Variants in CCDC178 observed in about 807,000 individuals in gnomAD.
CCDC178 encodes the protein coiled-coil domain containing 178, also known as coiled-coil domain-containing protein 178.
A neutral mutation model predicts 117.4 loss-of-function variants in CCDC178; 126 were observed. That is an observed-to-expected ratio of 1.07 (90% confidence interval 0.93 to 1.24). The LOEUF (loss-of-function observed/expected upper bound fraction) is 1.24. CCDC178 is among the 50% of genes most tolerant of loss of function. The probability of loss-of-function intolerance (pLI) is 0.00; values close to 1 mark genes in which losing one functional copy is unlikely to be tolerated. For missense variants in CCDC178, 1,030 were observed against 986.9 expected (o/e 1.04, Z -0.59); for synonymous variants, 283 against 313.4 (o/e 0.90, Z 1.02).
chr18:33,296,259 T>C (rs1409351739), intron 11 of CCDC178, among the ~76,000 whole-genome samples: 1 of 151,922 alleles, frequency 6.6e-6, no homozygotes, highest in Non-Finnish European at 1.5e-5. Flanking sequence ...AAAATAATAG[T>C]GGTTGTCAGG....
chr18:33,078,184 A>AT (rs2057240712), intron 21 of CCDC178, among the ~76,000 whole-genome samples: 1 of 152,178 alleles, frequency 6.6e-6, no homozygotes, highest in Non-Finnish European at 1.5e-5. Context: ...CAAACACCAC[A>AT]TGATTATCTC....
chr18:33,031,104 C>T (rs1294648050), intron 21 of CCDC178, among the ~76,000 whole-genome samples: 24 of 152,106 alleles, frequency 1.6e-4, no homozygotes, highest in Non-Finnish European at 5.9e-5. Flanking sequence ...ACTATCACAT[C>T]ATCCATTTGT....
At chr18:33,174,158 A>G (rs2058636431) in intron 20 of CCDC178, among the ~76,000 whole-genome samples, 1 of 151,768 alleles carries the variant, frequency 6.6e-6, no homozygotes, top group East Asian at 1.9e-4. Flanking sequence ...CACGGTGAGA[A>G]TGGAGCAACA....
intron 5 of CCDC178, among the ~76,000 whole-genome samples, chr18:33,373,834 A>G (rs1206983583): frequency 6.6e-6 from 1 of 152,148 alleles, no homozygotes; most frequent in Non-Finnish European, 1.5e-5. Context: ...TCTCCATGAA[A>G]AATTCATTCT....
intron 21 of CCDC178, among the ~76,000 whole-genome samples, chr18:33,079,889 C>G (rs1598860073): frequency 1.3e-5 from 2 of 152,236 alleles, no homozygotes; most frequent in Middle Eastern, 6.8e-3. Context: ...GAGGTAAAAA[C>G]AGAGCTAACA....
chr18:33,149,486 A>G (rs1363921425), intron 20 of CCDC178, among the ~76,000 whole-genome samples: 2 of 152,174 alleles, frequency 1.3e-5, no homozygotes. Context: ...CACAGTAGGA[A>G]AGCTAGTTCT....
rs561287956 is a variant in CCDC178 at position 33,331,183 on chromosome 18, C to G, written c.879+1991G>C. On this transcript the variant is annotated intron_variant, in intron 10 of 22. Coordinates refer to ENST00000383096, the MANE Select transcript of CCDC178 (RefSeq NM_001105528.4). Reference sequence around the variant, plus strand: ...AAAAACACAGTAAAACAAAGGGATACCAATTAAAACACATATAGACAAAAT... The same window carrying G: ...AAAAACACAGTAAAACAAAGGGATAGCAATTAAAACACATATAGACAAAAT... 7.1e-4 allele frequency among the ~76,000 whole-genome samples: 108 copies of G among 151,062 alleles called. 1 individual carries two copies. The highest frequency in any genetic ancestry group is 2.5e-3 in the African/African-American group (104 of 41,114).
intron 21 of CCDC178, among the ~76,000 whole-genome samples, chr18:33,075,149 G>A (rs2145011233): frequency 6.6e-6 from 1 of 152,296 alleles, no homozygotes; most frequent in Non-Finnish European, 1.5e-5. Flanking sequence ...TTTGATGACA[G>A]ATGAGTTCTC....
At chr18:32,978,058 G>A (rs2055064332) in intron 21 of CCDC178, among the ~76,000 whole-genome samples, 1 of 152,114 alleles carries the variant, frequency 6.6e-6, no homozygotes, top group African/African-American at 2.4e-5. Flanking sequence ...GCTGTATGCA[G>A]TGTCTGTTTT....
chr18:33,409,079 C>T (rs193220018), intron 3 of CCDC178, among the ~76,000 whole-genome samples: 1 of 152,178 alleles, frequency 6.6e-6, no homozygotes, highest in Admixed American at 6.5e-5. Context: ...GAATAATCAT[C>T]CAGTTAATTA....
chr18:33,414,372 A>G (rs1229402360), intron 2 of CCDC178, among the ~76,000 whole-genome samples: 1 of 152,194 alleles, frequency 6.6e-6, no homozygotes, highest in East Asian at 1.9e-4. Flanking sequence ...TAAGAACAGA[A>G]CAGAGCCCTC....
intron 2 of CCDC178, among the ~76,000 whole-genome samples, chr18:33,425,630 C>A (rs538390596): frequency 1.3e-5 from 2 of 152,276 alleles, no homozygotes; most frequent in African/African-American, 4.8e-5. Flanking sequence ...GTGTCTGTAT[C>A]TGATCCAATC....
At chr18:33,297,514 T>C (rs1177758121) in intron 11 of CCDC178, among the ~76,000 whole-genome samples, 1 of 151,770 alleles carries the variant, frequency 6.6e-6, no homozygotes, top group Non-Finnish European at 1.5e-5. Context: ...CCACAAAAAA[T>C]AAAAGTATAA....
At chr18:33,418,844 A>G (rs187929751) in intron 2 of CCDC178, among the ~76,000 whole-genome samples, 1 of 152,346 alleles carries the variant, frequency 6.6e-6, no homozygotes, top group East Asian at 1.9e-4. Context: ...CACAGATGAC[A>G]CAAATGGAAA....
intron 21 of CCDC178, among the ~76,000 whole-genome samples, chr18:33,090,564 C>T (rs934352985): frequency 6.6e-6 from 1 of 152,044 alleles, no homozygotes; most frequent in South Asian, 2.1e-4. Flanking sequence ...TTTTTGTTGG[C>T]CAAATTCCAT....
chr18:32,965,772 A>G (rs2054798785), intron 22 of CCDC178, among the ~76,000 whole-genome samples: 1 of 151,554 alleles, frequency 6.6e-6, no homozygotes, highest in South Asian at 2.1e-4. Context: ...TATATTTGAA[A>G]AACATGCCAG....
chr18:33,404,521 T>A (rs887023426), intron 3 of CCDC178, among the ~76,000 whole-genome samples: 29 of 152,124 alleles, frequency 1.9e-4, no homozygotes, highest in African/African-American at 7.0e-4. Context: ...ATGTAAACTA[T>A]GGCTGCTTCT....
intron 7 of CCDC178, among the ~76,000 whole-genome samples, chr18:33,354,366 A>G (rs565085781): frequency 4.6e-5 from 7 of 152,202 alleles, no homozygotes; most frequent in Non-Finnish European, 7.4e-5. Flanking sequence ...GTTTCTTCAA[A>G]TATTTTTTCA....
Position 33,215,577 on chromosome 18 carries a change from CTT to C in CCDC178, c.2049_2050del (p.Ser684PhefsTer2). The C allele has an allele frequency of 1.4e-6, 2 of 1,462,854 alleles. No homozygotes were observed. Among genetic ancestry groups the C allele is most frequent in the East Asian group, 2.6e-5 (1 of 38,564 alleles). 90.6% of individuals were successfully genotyped at this position (1,462,854 alleles called of 1,614,324 possible). On this transcript the variant is annotated frameshift_variant, in exon 19 of 23. Coordinates refer to ENST00000383096, the MANE Select transcript of CCDC178 (RefSeq NM_001105528.4). LOFTEE classifies it high-confidence loss of function. ...TAATATTTCAAGTGTCTGATCAAAA[CTT>C]TTCTTTTCTTCTTCTTTTGCTTTTA...
Sources: allele counts gnomAD v4.1 joint callset (sites outside exome capture counted in the v4.1 genomes callset), GRCh38; gene constraint gnomAD v4.1.1; transcripts MANE v1.5; gene names NCBI Gene and HGNC (gene_info 2026-07-23, HGNC 2026-07-21).